The following SH3GL2 variants were observed in gnomAD, a reference collection of about 807,000 sequenced individuals.
SH3GL2 encodes the protein endophilin-A1.
In SH3GL2, 24 loss-of-function variants were observed where a neutral mutation model predicts 46.0. The ratio of observed to expected loss-of-function variants is 0.52; its 90% CI spans 0.38 to 0.73. The LOEUF is 0.73. SH3GL2 is among the 30% of genes least tolerant of loss of function. The pLI is 0.00. For missense variants in SH3GL2, 413 were observed against 424.2 expected (o/e 0.97, Z 0.23); for synonymous variants, 196 against 147.1 (o/e 1.33, Z -2.40).
chr9:17,790,977 C>T (rs1482317380), intron 6 of SH3GL2, among the ~76,000 whole-genome samples: 1 of 152,130 alleles, frequency 6.6e-6, no homozygotes, highest in African/African-American at 2.4e-5. Flanking sequence ...TATGGTCTTC[C>T]TGAGGGTTAC....
At chr9:17,651,596 A>G (rs1046848144) in intron 1 of SH3GL2, among the ~76,000 whole-genome samples, 5 of 152,120 alleles carry the variant, frequency 3.3e-5, no homozygotes, top group Admixed American at 6.5e-5. Context: ...TATTAGCTGT[A>G]TATCTTTGTT....
chr9:17,659,803 CT>C (rs1231820014), intron 1 of SH3GL2, among the ~76,000 whole-genome samples: 1 of 152,176 alleles, frequency 6.6e-6, no homozygotes, highest in Non-Finnish European at 1.5e-5. Context: ...TAGGAAATAT[CT>C]TCTAGTTTAA....
intron 5 of SH3GL2, among the ~76,000 whole-genome samples, chr9:17,788,817 G>A (rs1824036367): frequency 6.6e-6 from 1 of 152,082 alleles, no homozygotes; most frequent in South Asian, 2.1e-4. Flanking sequence ...CAGTCAGCTG[G>A]GGCAAGTGTT....
rs1463082449 is a variant in SH3GL2, at chr9:17,582,018, C to G, written c.45+2731C>G. ...TATAAGTGGAAGGAGTCTGTTCACG[C>G]AAACGTTTCTTTCTATGGAATTGAG... On this transcript the variant is annotated intron_variant, in intron 1 of 8. Coordinates refer to ENST00000380607, the MANE Select transcript of SH3GL2 (RefSeq NM_003026.5). Among the ~76,000 whole-genome samples, 3 of 152,162 alleles carry G rather than the reference C, an allele frequency of 2.0e-5. No individual in the cohort carries two copies. In the East Asian group the frequency reaches 5.8e-4, roughly 29 times the overall value.
chr9:17,620,677 C>G (rs1057212049), intron 1 of SH3GL2, among the ~76,000 whole-genome samples: 13 of 152,082 alleles, frequency 8.5e-5, no homozygotes, highest in African/African-American at 2.7e-4. Flanking sequence ...ATGGAGGCAT[C>G]AGAAAGATTT....
At chr9:17,735,349 C>T (rs957685047) in intron 1 of SH3GL2, among the ~76,000 whole-genome samples, 41 of 151,992 alleles carry the variant, frequency 2.7e-4, no homozygotes, top group African/African-American at 8.5e-4. Context: ...GTATAAGCAC[C>T]CTGAATCTAT....
intron 1 of SH3GL2, among the ~76,000 whole-genome samples, chr9:17,633,217 A>C (rs1454140995): frequency 6.7e-6 from 1 of 150,138 alleles, no homozygotes; most frequent in African/African-American, 2.5e-5. Context: ...CCATGTGGGA[A>C]TGCCAGTAGA....
chr9:17,697,535 T>C (rs916158816), intron 1 of SH3GL2, among the ~76,000 whole-genome samples: 1 of 152,188 alleles, frequency 6.6e-6, no homozygotes, highest in East Asian at 1.9e-4. Context: ...AATGCATTTC[T>C]ATACAGGTCC....
chr9:17,787,298 G>T (rs1823987824), intron 4 of SH3GL2, 82 bp from the exon 5 acceptor site: 1 of 1,149,292 alleles, frequency 8.7e-7, no homozygotes, highest in Admixed American at 2.0e-5. Flanking sequence ...AATCCTTTGG[G>T]TTTTCATCTG....
intron 1 of SH3GL2, among the ~76,000 whole-genome samples, chr9:17,664,136 G>T (rs1260717153): frequency 6.6e-6 from 1 of 152,200 alleles, no homozygotes; most frequent in Non-Finnish European, 1.5e-5. Flanking sequence ...CCTAAGTGAA[G>T]TTGCTAGCTG....
At chr9:17,788,272 A>T (rs898592976) in intron 5 of SH3GL2, among the ~76,000 whole-genome samples, 2 of 152,218 alleles carry the variant, frequency 1.3e-5, no homozygotes, top group East Asian at 3.9e-4. Flanking sequence ...CTGACCCTAA[A>T]TCCAAAATAG....
chr9:17,717,239 T>G (rs1821785622), intron 1 of SH3GL2, among the ~76,000 whole-genome samples: 1 of 152,144 alleles, frequency 6.6e-6, no homozygotes, highest in African/African-American at 2.4e-5. Context: ...CATTCTCTCT[T>G]TTATGCTGTC....
intron 1 of SH3GL2, among the ~76,000 whole-genome samples, chr9:17,601,346 A>G (rs911422827): frequency 6.6e-6 from 1 of 152,152 alleles, no homozygotes; most frequent in African/African-American, 2.4e-5. Flanking sequence ...GTATTTTTAG[A>G]CTTAGAAGCA....
At chr9:17,794,478 G>A (rs1347941407) in intron 8 of SH3GL2, among the ~76,000 whole-genome samples, 1 of 152,134 alleles carries the variant, frequency 6.6e-6, no homozygotes, top group East Asian at 1.9e-4. Context: ...CCTGGAGCTG[G>A]CCACCAGGAC....
At position 17,746,511 on chromosome 9, in the gene SH3GL2, G is replaced by A. The variant is rs540610736; in HGVS notation, c.46-555G>A. ...CCTTCAACAGCTTTCTATATGTTTT[G>A]GCTTATGTACTTAAGGATGTAGACA... is the stretch of plus-strand genomic sequence containing the variant. On this transcript the variant is annotated intron_variant, in intron 1 of 8. Transcript: ENST00000380607. Among the ~76,000 whole-genome samples, 7 of 152,274 alleles carry A rather than the reference G, an allele frequency of 4.6e-5. No individual in the cohort carries two copies. The South Asian group carries it at 1.5e-3, about 32-fold the overall frequency.
chr9:17,676,123 C>A (rs954572695), intron 1 of SH3GL2, among the ~76,000 whole-genome samples: 1 of 152,078 alleles, frequency 6.6e-6, no homozygotes, highest in Non-Finnish European at 1.5e-5. Context: ...GGTTTAGGGG[C>A]TATGGGTAGA....
At chr9:17,751,857 C>A (rs1240675761) in intron 2 of SH3GL2, among the ~76,000 whole-genome samples, 1 of 152,056 alleles carries the variant, frequency 6.6e-6, no homozygotes, top group South Asian at 2.1e-4. Flanking sequence ...AGACACACCC[C>A]CCCGGTGTGG....
chr9:17,712,831 C>A (rs1038341631), intron 1 of SH3GL2, among the ~76,000 whole-genome samples: 2 of 149,280 alleles, frequency 1.3e-5, no homozygotes, highest in African/African-American at 2.5e-5. Context: ...ATCCATCCAT[C>A]CATCCAACCA....
At position 17,614,225 on chromosome 9, in the gene SH3GL2, AG is replaced by A. The variant is rs1483764139; in HGVS notation, c.45+34939del. Among the ~76,000 whole-genome samples the A allele has an allele frequency of 1.1e-4, 15 of 134,734 alleles. No individual in the cohort carries two copies. In the East Asian group the frequency reaches 2.8e-3, roughly 25 times the overall value. The allele number at this position is 134,734 out of a possible 152,430, so 88.4% of individuals were successfully genotyped here. A position where few individuals can be genotyped will look rare whatever the true frequency, so the allele number is the denominator to read the frequency against. On this transcript the variant is annotated intron_variant, in intron 1 of 8. Coordinates refer to ENST00000380607, the MANE Select transcript of SH3GL2 (RefSeq NM_003026.5). ...AATCACCAGCATTCTGTTCTTTCTC[AG>A]TCTTGACAAAGTTGCCATTGTGCAT...
Sources: allele counts gnomAD v4.1 joint callset (sites outside exome capture counted in the v4.1 genomes callset), GRCh38; gene constraint gnomAD v4.1.1; transcripts MANE v1.5; gene names NCBI Gene and HGNC (gene_info 2026-07-23, HGNC 2026-07-21).